R3HDM1: variants seen among roughly 807,000 people sequenced by gnomAD.
R3HDM1 encodes the protein R3H domain containing 1.
R3HDM1 carries 46 observed loss-of-function variants against 141.1 expected under a neutral mutation model. The ratio of observed to expected loss-of-function variants is 0.33; its 90% CI spans 0.26 to 0.42. The LOEUF (loss-of-function observed/expected upper bound fraction) is 0.42, where lower values mean the gene tolerates loss of function less well. R3HDM1 is among the 10% of genes least tolerant of loss of function. R3HDM1 has a pLI of 1.00. For missense variants in R3HDM1, 1,184 were observed against 1,368.3 expected (o/e 0.87, Z 2.12); for synonymous variants, 435 against 472.9 (o/e 0.92, Z 1.04).
intron 5 of R3HDM1, chr2:135,620,714 C>T: frequency 4.4e-6 from 4 of 912,828 alleles, no homozygotes; most frequent in Non-Finnish European, 5.2e-6. Flanking sequence ...TTCTTTATAA[C>T]TTTACCTAAG....
At position 135,618,424 on chromosome 2, in the gene R3HDM1, A is replaced by G. The variant is rs565835285; in HGVS notation, c.303+1667A>G. Among the ~76,000 whole-genome samples the G allele has an allele frequency of 3.8e-4, 57 of 149,720 alleles. 1 individual carries two copies. Among genetic ancestry groups the G allele is most frequent in the Non-Finnish European group, 2.1e-4 (14 of 67,738 alleles). ...TGATCCACCTGCCTCTGCCTCCCAA[A>G]GTGCTAGGATTACAAGTGTGAGCCA... On this transcript the variant is annotated intron_variant, in intron 5 of 26. Coordinates refer to ENST00000683871, the MANE Select transcript of R3HDM1 (RefSeq NM_001378107.1).
At chr2:135,667,160 T>C (rs896361134) in intron 19 of R3HDM1, 1 of 974,546 alleles carries the variant, frequency 1.0e-6, no homozygotes, top group African/African-American at 1.8e-5. Flanking sequence ...TTAATGCCTG[T>C]TCAATACTTT....
intron 1 of R3HDM1, chr2:135,543,132 G>A (rs1461273922): frequency 2.0e-6 from 2 of 976,770 alleles, no homozygotes; most frequent in African/African-American, 3.5e-5. Flanking sequence ...TATGTAAAAT[G>A]GATGATTAAT....
chr2:135,581,823 G>T (rs973469500), intron 1 of R3HDM1, among the ~76,000 whole-genome samples: 1 of 152,100 alleles, frequency 6.6e-6, no homozygotes, highest in Non-Finnish European at 1.5e-5. Context: ...GGTACCTTAT[G>T]TCTAAATTAT....
intron 1 of R3HDM1, chr2:135,583,877 C>T: frequency 1.0e-6 from 1 of 985,406 alleles, no homozygotes; most frequent in Non-Finnish European, 1.2e-6. Context: ...CCCATAGTTG[C>T]CCCAGTTCCT....
At chr2:135,711,686 C>T (rs1261927180) in intron 23 of R3HDM1, among the ~76,000 whole-genome samples, 2 of 149,022 alleles carry the variant, frequency 1.3e-5, no homozygotes, top group East Asian at 3.9e-4. Context: ...AACCCAGGCA[C>T]AGTGGCTCAT....
intron 1 of R3HDM1, among the ~76,000 whole-genome samples, chr2:135,541,867 AAAAAGAAAG>A (rs1015239258): frequency 1.0e-4 from 15 of 146,372 alleles, no homozygotes; most frequent in African/African-American, 3.8e-4. Flanking sequence ...AAAAAAAAAA[AAAAAGAAAG>A]AAAGAAAGAG....
chr2:135,577,414 CAAAAAA>C (rs35038268), intron 1 of R3HDM1, among the ~76,000 whole-genome samples: 15 of 15,806 alleles, frequency 9.5e-4, no homozygotes, highest in South Asian at 2.5e-3. Context: ...ATTAAATGAC[CAAAAAA>C]AAAAAAAAAA....
intron 1 of R3HDM1, chr2:135,559,268 C>T (rs930150930): frequency 1.3e-5 from 2 of 154,520 alleles, no homozygotes; most frequent in African/African-American, 4.8e-5. Flanking sequence ...CATGCCACCA[C>T]ATCCAGCTAA....
chr2:135,664,049 AC>A (rs1264694287), intron 19 of R3HDM1, among the ~76,000 whole-genome samples: 3 of 151,506 alleles, frequency 2.0e-5, no homozygotes, highest in Non-Finnish European at 4.4e-5. Context: ...AAAAAAAAAA[AC>A]TTAACAGAAA....
intron 7 of R3HDM1, among the ~76,000 whole-genome samples, chr2:135,630,264 C>T (rs182807689): frequency 8.3e-4 from 83 of 99,814 alleles, no homozygotes; most frequent in Admixed American, 2.4e-3. Flanking sequence ...GCAACAAGAG[C>T]GAAACTCCTT....
chr2:135,682,020 A>G (rs2070398109), intron 21 of R3HDM1, among the ~76,000 whole-genome samples: 1 of 150,282 alleles, frequency 6.7e-6, no homozygotes, highest in Non-Finnish European at 1.5e-5. Context: ...AAATAAGGAA[A>G]AAATACTCCG....
chr2:135,679,901 G>A (rs1259527975), intron 20 of R3HDM1, among the ~76,000 whole-genome samples: 2 of 152,138 alleles, frequency 1.3e-5, no homozygotes, highest in Non-Finnish European at 2.9e-5. Flanking sequence ...CCAACATGGT[G>A]AAACCCCATC....
chr2:135,690,047 T>C (rs1467357225), intron 21 of R3HDM1, among the ~76,000 whole-genome samples: 1 of 152,154 alleles, frequency 6.6e-6, no homozygotes, highest in Non-Finnish European at 1.5e-5. Context: ...CTTTAAAAAA[T>C]GTTTCACAGA....
chr2:135,604,899 T>C lies in R3HDM1; in HGVS notation c.54T>C (p.Asp18=). ...AAGATGAAACTGCAACAATGAAGGA[T>C]TTGGAGGCAGAAGTGAAAGATACAA... ...TVKDETATMK[D]LEAEVKDTTR... The change falls in exon 3 of 27, where the codon GAT becomes GAC. Residue 18 remains aspartate (D), a synonymous_variant. Coordinates refer to ENST00000683871, the MANE Select transcript of R3HDM1 (RefSeq NM_001378107.1). 3.1e-6 allele frequency: 5 copies of C among 1,611,044 alleles called. No individual in the cohort carries two copies. The highest frequency in any genetic ancestry group is 4.2e-6 in the Non-Finnish European group (5 of 1,177,566).
intron 1 of R3HDM1, chr2:135,550,015 T>C: frequency 1.0e-6 from 1 of 975,696 alleles, no homozygotes; most frequent in Non-Finnish European, 1.2e-6. Flanking sequence ...TTTTCATAGC[T>C]TTTGGAATGG....
In R3HDM1 at chr2:135,717,134, A is replaced by G. The variant is rs538197602; in HGVS notation, c.2881+1440A>G. On this transcript the variant is annotated intron_variant, in intron 24 of 26. Coordinates refer to ENST00000683871, the MANE Select transcript of R3HDM1 (RefSeq NM_001378107.1). ...GAATATCAAGCCAGAATACCACTTC[A>G]CACCCATTAGAATGGCTATAATCAA... Among the ~76,000 whole-genome samples the G allele has an allele frequency of 2.9e-4, 44 of 152,334 alleles. No homozygotes were observed. The South Asian group carries it at 8.7e-3, about 30-fold the overall frequency.
rs150795703 is a variant in R3HDM1, at chr2:135,550,741, T to G, written c.-250+19108T>G. Among the ~76,000 whole-genome samples the G allele has an allele frequency of 1.6e-4, 24 of 152,316 alleles. 3 individuals are homozygous for G. The highest frequency in any genetic ancestry group is 5.5e-4 in the African/African-American group (23 of 41,578). The stretch of plus-strand genomic sequence containing the variant: ...ATTGTGCCTTCTTTCTTTTTTCTCC[T>G]CTTTCTACTTGTCCTCCTCTTATAA... On this transcript the variant is annotated intron_variant, in intron 1 of 26. Transcript: ENST00000683871.
intron 14 of R3HDM1, 121 bp from the exon 15 acceptor site, chr2:135,641,415 G>A (rs2063781854): frequency 8.6e-7 from 1 of 1,156,846 alleles, no homozygotes; most frequent in Admixed American, 2.8e-5. Flanking sequence ...AAATTAAAAA[G>A]AGCCAATGCT....
Sources: gnomAD v4.1 joint callset for allele counts (sites outside exome capture counted in the v4.1 genomes callset) on GRCh38, gnomAD v4.1.1 for gene constraint, MANE v1.5 for transcripts, NCBI Gene and HGNC (gene_info 2026-07-23, HGNC 2026-07-21) for gene names.